Variants in COTL1 observed in about 807,000 individuals in gnomAD.
COTL1 encodes coactosin like F-actin binding protein 1.
COTL1 carries 15 observed loss-of-function variants against 16.5 expected under a neutral mutation model. That is an observed-to-expected ratio of 0.91 (90% confidence interval 0.61 to 1.40). The LOEUF (loss-of-function observed/expected upper bound fraction) is 1.40. Among genes scored for constraint, COTL1 ranks in the 40% most tolerant of loss-of-function variants. COTL1 has a pLI of 0.00. For synonymous variants in COTL1, 112 were observed against 85.3 expected (o/e 1.31, Z -1.73); for missense variants, 220 against 201.5 (o/e 1.09, Z -0.56).
chr16:84,611,105 G>A lies in COTL1; in HGVS notation c.160+6396C>T, dbSNP rs1597186745. Among the ~76,000 whole-genome samples the A allele has an allele frequency of 5.9e-5, 9 of 152,124 alleles. No individual in the cohort carries two copies. The East Asian group carries it at 1.5e-3, about 26-fold the overall frequency. ...AATCATTATCCCCACCTTTACAGAC[G>A]AGAAAACACAGACCCTGGGAGATCT... On this transcript the variant is annotated intron_variant, in intron 2 of 3. Coordinates refer to ENST00000262428, the MANE Select transcript of COTL1 (RefSeq NM_021149.5).
chr16:84,615,711 G>A (rs1042286677), intron 2 of COTL1, among the ~76,000 whole-genome samples: 2 of 152,196 alleles, frequency 1.3e-5, no homozygotes, highest in African/African-American at 4.8e-5. Flanking sequence ...CTACAGAGGC[G>A]GAGGGACGGA....
chr16:84,610,253 G>A (rs1001978506), intron 2 of COTL1, among the ~76,000 whole-genome samples: 3 of 152,166 alleles, frequency 2.0e-5, no homozygotes, highest in African/African-American at 7.2e-5. Flanking sequence ...GACTCTTTTA[G>A]ATGGAAACTA....
chr16:84,603,577 G>C (rs1481293529), intron 2 of COTL1, among the ~76,000 whole-genome samples: 1 of 139,198 alleles, frequency 7.2e-6, no homozygotes. Flanking sequence ...CACAGGAAGT[G>C]TTGGGAAGCG....
intron 3 of COTL1, among the ~76,000 whole-genome samples, chr16:84,587,875 G>C (rs1904772194): frequency 1.3e-5 from 2 of 151,984 alleles, no homozygotes; most frequent in Non-Finnish European, 2.9e-5. Context: ...GGTTTCAAGA[G>C]ATTCTCCTGT....
intron 2 of COTL1, among the ~76,000 whole-genome samples, chr16:84,605,948 A>G (rs1410380712): frequency 2.0e-5 from 3 of 152,226 alleles, no homozygotes; most frequent in Non-Finnish European, 4.4e-5. Flanking sequence ...CAACTTATTT[A>G]TTTATTGCTC....
chr16:84,584,186 C>A (rs567589148), intron 3 of COTL1, among the ~76,000 whole-genome samples: 2 of 152,242 alleles, frequency 1.3e-5, no homozygotes, highest in African/African-American at 4.8e-5. Context: ...GCCAGCCGTG[C>A]GTGCTGTGCG....
chr16:84,600,247 A>G (rs1341123240), intron 2 of COTL1, among the ~76,000 whole-genome samples: 1 of 151,186 alleles, frequency 6.6e-6, no homozygotes, highest in Admixed American at 6.6e-5. Flanking sequence ...AAAAACTGAA[A>G]CCCATTACTC....
At chr16:84,616,027 TA>T (rs770966235) in intron 2 of COTL1, 4 of 152,238 alleles carry the variant, frequency 2.6e-5, no homozygotes, top group Non-Finnish European at 5.9e-5. Context: ...TTGTACTTTT[TA>T]TTTATTTCGC....
chr16:84,569,772 G>A (rs1904315102), intron 3 of COTL1, among the ~76,000 whole-genome samples: 1 of 152,220 alleles, frequency 6.6e-6, no homozygotes. Context: ...CCAGAAAGGA[G>A]AATTGAGAAT....
At chr16:84,617,366 G>C in intron 2 of COTL1, 135 bp downstream of exon 2, 1 of 750,660 alleles carries the variant, frequency 1.3e-6, no homozygotes, top group Non-Finnish European at 2.2e-6. Flanking sequence ...GCTCACACCG[G>C]GTTCCTCCCA....
At position 84,615,544 on chromosome 16, in the gene COTL1, C is replaced by T. The variant is rs567926799; in HGVS notation, c.160+1957G>A. ...GGGGAAGGGAGGGATGGGTGACCAG[C>T]GGGAGGAAAGAAGCTGAATTTAGGG... On this transcript the variant is annotated intron_variant, in intron 2 of 3. Transcript: ENST00000262428. Among the ~76,000 whole-genome samples the T allele has an allele frequency of 4.6e-5, 7 of 152,094 alleles. No individual in the cohort carries two copies. In the South Asian group the frequency reaches 1.5e-3, roughly 32 times the overall value.
intron 2 of COTL1, among the ~76,000 whole-genome samples, chr16:84,612,294 A>T (rs113731706): frequency 6.6e-6 from 1 of 152,050 alleles, no homozygotes; most frequent in Non-Finnish European, 1.5e-5. Flanking sequence ...CAAACCTTGA[A>T]CTACTGAGCT....
At chr16:84,602,292 G>A (rs947167885) in intron 2 of COTL1, among the ~76,000 whole-genome samples, 3 of 151,160 alleles carry the variant, frequency 2.0e-5, no homozygotes, top group African/African-American at 7.3e-5. Context: ...TTGGGAGGCC[G>A]AGGCAGGAGG....
At chr16:84,604,063 A>T (rs1905158989) in intron 2 of COTL1, among the ~76,000 whole-genome samples, 1 of 112,246 alleles carries the variant, frequency 8.9e-6, no homozygotes, top group Non-Finnish European at 1.8e-5. Flanking sequence ...CTGCCCCACC[A>T]CGGCCCAACC....
At chr16:84,596,010 CAGA>C (rs1165460494) in intron 2 of COTL1, 3 of 152,088 alleles carry the variant, frequency 2.0e-5, no homozygotes, top group African/African-American at 7.2e-5. Context: ...CAAAACTGCC[CAGA>C]AGAAGGTTGG....
intron 3 of COTL1, among the ~76,000 whole-genome samples, chr16:84,582,440 G>A (rs2967848): frequency 0.34 from 51,064 of 152,004 alleles, 9,100 homozygotes; most frequent in African/African-American, 0.45. Context: ...CATGGCGCCC[G>A]GCCTCATTTC....
Position 84,565,657 on chromosome 16 carries a change from TA to T in COTL1, c.*1187del, listed in dbSNP as rs1904294958. On this transcript the variant is annotated 3_prime_UTR_variant, in exon 4 of 4. Transcript: ENST00000262428. ...ACTGTCTGAGTGCAGAGATGTTCTT[TA>T]CAATCCCAATACAGTACAGATTTCT... 6.6e-6 allele frequency: 1 copy of T among 152,632 alleles called. No individual in the cohort carries two copies. Among genetic ancestry groups the T allele is most frequent in the Admixed American group, 6.5e-5 (1 of 15,280 alleles). 9.5% of individuals were successfully genotyped at this position (152,632 alleles called of 1,614,324 possible).
At chr16:84,596,608 C>A (rs956109175) in intron 2 of COTL1, 1 of 152,316 alleles carries the variant, frequency 6.6e-6, no homozygotes, top group Non-Finnish European at 1.5e-5. Flanking sequence ...CAATTCTGCC[C>A]TCCTTGAACC....
At chr16:84,589,376 C>T (rs555753027) in intron 3 of COTL1, among the ~76,000 whole-genome samples, 8 of 152,302 alleles carry the variant, frequency 5.3e-5, no homozygotes, top group African/African-American at 1.9e-4. Flanking sequence ...TGGTACCCCC[C>T]GCCCTCTGTA....
Sources: allele counts gnomAD v4.1 joint callset (sites outside exome capture counted in the v4.1 genomes callset), GRCh38; gene constraint gnomAD v4.1.1; transcripts MANE v1.5; gene names NCBI Gene and HGNC (gene_info 2026-07-23, HGNC 2026-07-21).